The following ITPA variants were observed in gnomAD, a reference collection of about 807,000 sequenced individuals.
The protein encoded by ITPA is inosine triphosphatase.
ITPA carries 29 observed loss-of-function variants against 29.6 expected under a neutral mutation model. The observed-to-expected ratio is 0.98, with a 90% CI of 0.73 to 1.34. ITPA has a LOEUF of 1.34. Among genes scored for constraint, ITPA ranks in the 40% most tolerant of loss-of-function variants. The pLI, the probability that ITPA is intolerant of heterozygous loss-of-function variation, is 0.00. For synonymous variants in ITPA, 103 were observed against 99.3 expected (o/e 1.04, Z -0.22); for missense variants, 241 against 251.5 (o/e 0.96, Z 0.28).
Position 3,223,541 on chromosome 20 carries a change from C to A in ITPA, c.*79C>A. On this transcript the variant is annotated 3_prime_UTR_variant, in exon 8 of 8. Transcript: ENST00000380113. ...AAAACCTCCCGCATCGGGCAGGCACCCCCTGAAGTACTTCCTTCAGGGTTT... is the reference window on the plus strand; with the variant it reads ...AAAACCTCCCGCATCGGGCAGGCACACCCTGAAGTACTTCCTTCAGGGTTT... 1 of 1,068,448 alleles carries A rather than the reference C, an allele frequency of 9.4e-7. No homozygotes were observed. Among genetic ancestry groups the A allele is most frequent in the Non-Finnish European group, 1.4e-6 (1 of 711,096 alleles). 66.2% of individuals were successfully genotyped at this position (1,068,448 alleles called of 1,614,324 possible).
Position 3,213,331 on chromosome 20 carries a change from A to G in ITPA, c.137A>G (p.Gln46Arg), listed in dbSNP as rs2122320860. ...VAQKIDLPEY[Q>R]GEPDEISIQK... ...TTTCCCTGATAAGTGCCGGAGTACC[A>G]GGGGGAGCCGGATGAGATTTCCATA... is the stretch of plus-strand genomic sequence containing the variant. The change falls in exon 3 of 8, where the codon CAG becomes CGG. Residue 46 changes from glutamine (Q) to arginine (R), a missense_variant. Coordinates refer to ENST00000380113, the MANE Select transcript of ITPA (RefSeq NM_033453.4). The G allele has an allele frequency of 6.2e-7, 1 of 1,614,046 alleles. No homozygotes were observed. The highest frequency in any genetic ancestry group is 8.5e-7 in the Non-Finnish European group (1 of 1,179,978).
chr20:3,227,449 A>AT, downstream of ITPA: 1 of 356,438 alleles, frequency 2.8e-6, no homozygotes, highest in Non-Finnish European at 5.4e-6. Context: ...TTATTCTCTA[A>AT]TGTGCGTCCA....
chr20:3,208,511 G>A (rs1256392642), upstream of ITPA, among the ~76,000 whole-genome samples: 1 of 152,172 alleles, frequency 6.6e-6, no homozygotes, highest in Admixed American at 6.6e-5. Context: ...TCTGAACTGG[G>A]ATTACAGGCA....
chr20:3,214,164 A>C, intron 4 of ITPA, 106 bp downstream of exon 4: 2 of 978,250 alleles, frequency 2.0e-6, no homozygotes, highest in Non-Finnish European at 3.3e-6. Context: ...TCTTAGCATC[A>C]ACAGCCTTTC....
chr20:3,213,318 G>A lies in ITPA; in HGVS notation c.125-1G>A, dbSNP rs756425674. ...TTCTGTGTGTCTGTTTCCCTGATAA[G>A]TGCCGGAGTACCAGGGGGAGCCGGA... is the stretch of plus-strand genomic sequence containing the variant. On this transcript the variant is annotated splice_acceptor_variant, in intron 2 of 7. Transcript: ENST00000380113. LOFTEE classifies it high-confidence loss of function. 24 of 1,614,060 alleles carry A rather than the reference G, an allele frequency of 1.5e-5. No homozygotes were observed. The highest frequency in any genetic ancestry group is 2.0e-5 in the Non-Finnish European group (24 of 1,179,954).
chr20:3,221,734 T>G, intron 6 of ITPA, 107 bp from the exon 7 acceptor site: 1 of 1,026,940 alleles, frequency 9.7e-7, no homozygotes, highest in Non-Finnish European at 1.5e-6. Flanking sequence ...TTGCGTAAGT[T>G]GGGTCAAATC....
At chr20:3,209,435 T>C, upstream of ITPA, 3 of 1,001,090 alleles carry the variant, frequency 3.0e-6, no homozygotes, top group Non-Finnish European at 4.7e-6. This position sits in a 1 kb window ranked among gnomAD's most constrained non-coding sequence, Gnocchi z 4.6. Context: ...CCGGGTCGGC[T>C]TTCCCCGGGA....
chr20:3,204,583 G>A (rs769002400), upstream of ITPA: 1 of 1,580,072 alleles, frequency 6.3e-7, no homozygotes, highest in Non-Finnish European at 8.6e-7. Context: ...GGATAAAGCC[G>A]ACTAGCAGAG....
At chr20:3,205,577 G>C (rs938906787), upstream of ITPA, among the ~76,000 whole-genome samples, 1 of 152,100 alleles carries the variant, frequency 6.6e-6, no homozygotes, top group African/African-American at 2.4e-5. Flanking sequence ...GCATGCACCT[G>C]TGATTCCAGG....
chr20:3,223,662 G>A lies in ITPA; in HGVS notation c.*200G>A, dbSNP rs1233286659. 1.6e-6 allele frequency: 1 copy of A among 616,914 alleles called. No individual in the cohort carries two copies. Among genetic ancestry groups the A allele is most frequent in the Non-Finnish European group, 2.9e-6 (1 of 342,076 alleles). The allele number at this position is 616,914 out of a possible 1,614,324, so 38.2% of individuals were successfully genotyped here. A position where few individuals can be genotyped will look rare whatever the true frequency, so the allele number is the denominator to read the frequency against. ...TCTGGCAAGTGGACGCCATTCTCTT[G>A]CCCTTAGGATTCACTGCTCTCTCCT... On this transcript the variant is annotated 3_prime_UTR_variant, in exon 8 of 8. Coordinates refer to ENST00000380113, the MANE Select transcript of ITPA (RefSeq NM_033453.4).
upstream of ITPA, among the ~76,000 whole-genome samples, chr20:3,206,797 C>T (rs1267792811): frequency 1.3e-5 from 2 of 150,562 alleles, no homozygotes; most frequent in African/African-American, 4.9e-5. Flanking sequence ...CGCCACTGCA[C>T]TCCAGCCTGG....
Position 3,223,614 on chromosome 20 carries a change from C to A in ITPA, c.*152C>A. 1 of 671,412 alleles carries A rather than the reference C, an allele frequency of 1.5e-6. No homozygotes were observed. The highest frequency in any genetic ancestry group is 2.7e-6 in the Non-Finnish European group (1 of 372,458). The allele number at this position is 671,412 out of a possible 1,614,324, so 41.6% of individuals were successfully genotyped here. ...AGCCTCACCGGCCTGTCTGGAGGAG[C>A]AGCTGGCTCTGCTCTGAGAAACTCT... On this transcript the variant is annotated 3_prime_UTR_variant, in exon 8 of 8. Transcript: ENST00000380113.
upstream of ITPA, among the ~76,000 whole-genome samples, chr20:3,207,465 G>A (rs1049053540): frequency 5.3e-5 from 8 of 152,128 alleles, no homozygotes; most frequent in Non-Finnish European, 1.0e-4. Context: ...AGGCTGAGGT[G>A]GAGGGATCTC....
downstream of ITPA, among the ~76,000 whole-genome samples, chr20:3,224,957 C>T (rs994617816): frequency 1.3e-5 from 2 of 152,228 alleles, no homozygotes; most frequent in African/African-American, 2.4e-5. Flanking sequence ...GTAATCCCAG[C>T]ACTTTGGAAG....
At chr20:3,205,316 ATTTC>A (rs200919421), upstream of ITPA, among the ~76,000 whole-genome samples, 474 of 142,506 alleles carry the variant, frequency 3.3e-3, 3 homozygotes, top group African/African-American at 0.011. Context: ...GTGACACTGA[ATTTC>A]TTTCTTTCTT....
Position 3,213,154 on chromosome 20 carries a change from TTTCTC to T in ITPA, c.67-12_67-8del, listed in dbSNP as rs771313305. ...CACTAGATGGTGATAAGTGTTCTCT[TTTCTC>T]TTGGAACAGGTCGTTCAGATTCTAG... On this transcript the variant is annotated splice_polypyrimidine_tract_variant and intron_variant, in intron 1 of 7. Coordinates refer to ENST00000380113, the MANE Select transcript of ITPA (RefSeq NM_033453.4). The T allele has an allele frequency of 3.3e-5, 53 of 1,613,040 alleles. No individual in the cohort carries two copies. The highest frequency in any genetic ancestry group is 4.5e-5 in the Non-Finnish European group (53 of 1,179,070).
At position 3,223,386 on chromosome 20, in the gene ITPA, C is replaced by A. The variant is rs551976639; in HGVS notation, c.509C>A (p.Ala170Glu). The A allele has an allele frequency of 6.2e-7, 1 of 1,613,762 alleles. No homozygotes were observed. The highest frequency in any genetic ancestry group is 8.5e-7 in the Non-Finnish European group (1 of 1,179,930). The change falls in exon 8 of 8, where the codon GCG becomes GAG. Residue 170 changes from alanine to glutamate, a missense_variant. Ala to Glu is a moderately radical substitution (Grantham distance 107). Coordinates refer to ENST00000380113, the MANE Select transcript of ITPA (RefSeq NM_033453.4). ...YEQTYAEMPK[A>E]EKNAVSHRFR... ...CTCAGGTACGCAGAGATGCCTAAGGCGGAGAAGAACGCTGTCTCCCATCGC... is the reference window on the plus strand; with the variant it reads ...CTCAGGTACGCAGAGATGCCTAAGGAGGAGAAGAACGCTGTCTCCCATCGC...
At chr20:3,215,338 G>C (rs1310584814) in intron 5 of ITPA, 26 bp downstream of exon 5, 3 of 1,607,990 alleles carry the variant, frequency 1.9e-6, no homozygotes, top group East Asian at 4.5e-5. Flanking sequence ...TTTCTTCCCT[G>C]GATCTGTTGG....
At chr20:3,226,292 C>A (rs2067553643), downstream of ITPA, among the ~76,000 whole-genome samples, 1 of 152,188 alleles carries the variant, frequency 6.6e-6, no homozygotes, top group Non-Finnish European at 1.5e-5. The surrounding 1 kb of genome is among the most constrained non-coding windows in gnomAD (Gnocchi z 4.4). Context: ...CAGCAGCTGT[C>A]CCGTGACAAA....
Sources: gnomAD v4.1 joint callset for allele counts (sites outside exome capture counted in the v4.1 genomes callset) on GRCh38, gnomAD v4.1.1 for gene constraint, Gnocchi (gnomAD v3.1) non-coding constraint, MANE v1.5 for transcripts, NCBI Gene and HGNC (gene_info 2026-07-23, HGNC 2026-07-21) for gene names.